Variants in TGFBR3 observed in about 807,000 individuals in gnomAD.
TGFBR3 encodes transforming growth factor beta receptor 3.
TGFBR3 carries 46 observed loss-of-function variants against 87.9 expected under a neutral mutation model. That is an observed-to-expected ratio of 0.52 (90% CI 0.41 to 0.67). The LOEUF is 0.67. Ranked by LOEUF, TGFBR3 falls within the 30% of genes least tolerant of loss-of-function variation. The pLI, the probability that TGFBR3 is intolerant of heterozygous loss-of-function variation, is 0.00. For missense variants in TGFBR3, 866 were observed against 1,041.9 expected (o/e 0.83, Z 2.32); for synonymous variants, 381 against 391.6 (o/e 0.97, Z 0.32).
intron 14 of TGFBR3, among the ~76,000 whole-genome samples, chr1:91,707,270 C>T (rs1296665656): frequency 6.6e-6 from 1 of 152,236 alleles, no homozygotes; most frequent in Non-Finnish European, 1.5e-5. Context: ...TCCAGTGTGC[C>T]TGCCACCTAT....
chr1:91,858,713 AG>A (rs1225860580), intron 2 of TGFBR3, among the ~76,000 whole-genome samples: 125 of 151,890 alleles, frequency 8.2e-4, no homozygotes, highest in African/African-American at 2.7e-3. Flanking sequence ...TACACCAAAA[AG>A]GCATCCATAC....
intron 12 of TGFBR3, 115 bp from the exon 13 acceptor site, chr1:91,712,657 A>G (rs1672023320): frequency 1.1e-6 from 1 of 907,090 alleles, no homozygotes. Flanking sequence ...TTATCTTCAT[A>G]ACATAGTTAT....
intron 3 of TGFBR3, among the ~76,000 whole-genome samples, chr1:91,793,292 G>A (rs1275591517): frequency 6.6e-6 from 1 of 152,096 alleles, no homozygotes; most frequent in Non-Finnish European, 1.5e-5. Flanking sequence ...TAGATATGGG[G>A]TGATTTATAA....
intron 2 of TGFBR3, among the ~76,000 whole-genome samples, chr1:91,897,684 T>G (rs533152607): frequency 1.6e-4 from 25 of 152,326 alleles, no homozygotes; most frequent in Admixed American, 1.4e-3. Context: ...CAAGACTCAT[T>G]TATTACTATT....
At chr1:91,846,040 T>G (rs1280822763) in intron 2 of TGFBR3, among the ~76,000 whole-genome samples, 1 of 152,200 alleles carries the variant, frequency 6.6e-6, no homozygotes, top group African/African-American at 2.4e-5. Context: ...CTGGGCTCTC[T>G]AGGTCTGCAA....
chr1:91,902,271 T>G (rs1221092596), intron 1 of TGFBR3, among the ~76,000 whole-genome samples: 1 of 148,354 alleles, frequency 6.7e-6, no homozygotes, highest in South Asian at 2.2e-4. Flanking sequence ...TCCTTTTCTT[T>G]TGTGTGTGTG....
At chr1:91,880,585 G>A (rs1036159650) in intron 1 of TGFBR3, among the ~76,000 whole-genome samples, 3 of 152,012 alleles carry the variant, frequency 2.0e-5, no homozygotes, top group South Asian at 2.1e-4. Context: ...GTGACAGAGC[G>A]AGACTCCGTC....
At chr1:91,702,075 T>C (rs1671637345) in intron 14 of TGFBR3, among the ~76,000 whole-genome samples, 1 of 152,148 alleles carries the variant, frequency 6.6e-6, no homozygotes, top group African/African-American at 2.4e-5. Context: ...AGGGTGTTGC[T>C]ACTAGCATGT....
At chr1:91,813,961 C>T (rs1676113114) in intron 2 of TGFBR3, among the ~76,000 whole-genome samples, 3 of 152,194 alleles carry the variant, frequency 2.0e-5, no homozygotes. Flanking sequence ...AAATCTAATG[C>T]CACTGCTGAT....
At chr1:91,698,294 C>T (rs1671500123) in intron 14 of TGFBR3, among the ~76,000 whole-genome samples, 164 bp from the exon 15 acceptor site, 1 of 152,096 alleles carries the variant, frequency 6.6e-6, no homozygotes, top group African/African-American at 2.4e-5. Flanking sequence ...TAATGAGTTA[C>T]CCAGAAATTT....
intron 2 of TGFBR3, among the ~76,000 whole-genome samples, chr1:91,815,620 C>A (rs1676194533): frequency 6.6e-6 from 1 of 152,166 alleles, no homozygotes; most frequent in Admixed American, 6.5e-5. Flanking sequence ...CTCATCTCTG[C>A]CATTAACAAG....
chr1:91,883,615 C>T (rs1679183266), intron 1 of TGFBR3, among the ~76,000 whole-genome samples: 2 of 152,104 alleles, frequency 1.3e-5, no homozygotes, highest in South Asian at 2.1e-4. Context: ...CAATGAACTC[C>T]CCACGGGTTG....
intron 10 of TGFBR3, among the ~76,000 whole-genome samples, chr1:91,718,374 T>C (rs1453167235): frequency 6.6e-6 from 1 of 152,078 alleles, no homozygotes; most frequent in Non-Finnish European, 1.5e-5. Flanking sequence ...AGCACCTGAT[T>C]GCTAGCCTCT....
chr1:91,796,795 C>T (rs929893168), intron 3 of TGFBR3, among the ~76,000 whole-genome samples: 1 of 152,184 alleles, frequency 6.6e-6, no homozygotes, highest in African/African-American at 2.4e-5. Flanking sequence ...CGGCTCACTC[C>T]AGCCTCGATT....
At chr1:91,820,888 G>T (rs1176531295) in intron 2 of TGFBR3, among the ~76,000 whole-genome samples, 1 of 152,136 alleles carries the variant, frequency 6.6e-6, no homozygotes, top group Non-Finnish European at 1.5e-5. Context: ...ATAGAAAAAG[G>T]ATTAAATGGA....
intron 2 of TGFBR3, chr1:91,830,009 G>A (rs559550765): frequency 1.3e-4 from 20 of 152,226 alleles, no homozygotes; most frequent in African/African-American, 4.3e-4. Context: ...CAGAACTCCC[G>A]GGCTCAAGTG....
chr1:91,842,012 G>T (rs1195218598), intron 2 of TGFBR3, among the ~76,000 whole-genome samples: 1 of 150,776 alleles, frequency 6.6e-6, no homozygotes, highest in Admixed American at 6.6e-5. Context: ...AAGGTAAGAG[G>T]ATCACTTGAG....
intron 7 of TGFBR3, among the ~76,000 whole-genome samples, chr1:91,726,661 G>A (rs1215298583): frequency 6.6e-6 from 1 of 151,918 alleles, no homozygotes; most frequent in Non-Finnish European, 1.5e-5. Flanking sequence ...TTTGCTCACT[G>A]TGGTATCACA....
At chr1:91,739,235 G>A (rs1249456710) in intron 4 of TGFBR3, among the ~76,000 whole-genome samples, 3 of 152,148 alleles carry the variant, frequency 2.0e-5, no homozygotes, top group Non-Finnish European at 2.9e-5. Flanking sequence ...CAAAAAGCAG[G>A]AGATCATTAG....
Sources: gnomAD v4.1 joint callset for allele counts (sites outside exome capture counted in the v4.1 genomes callset) on GRCh38, gnomAD v4.1.1 for gene constraint, MANE v1.5 for transcripts, NCBI Gene and HGNC (gene_info 2026-07-23, HGNC 2026-07-21) for gene names.